The following DNAH7 variants were observed in gnomAD, a reference collection of about 807,000 sequenced individuals.
The protein encoded by DNAH7 is dynein axonemal heavy chain 7.
A neutral mutation model predicts 444.6 loss-of-function variants in DNAH7; 397 were observed. That is an observed-to-expected ratio of 0.89 (90% CI 0.82 to 0.97). The LOEUF (loss-of-function observed/expected upper bound fraction) is 0.97, where lower values mean the gene tolerates loss of function less well. Ranked by LOEUF, DNAH7 falls within the 50% of genes least tolerant of loss-of-function variation. The pLI, the probability that DNAH7 is intolerant of heterozygous loss-of-function variation, is 0.00. For synonymous variants in DNAH7, 1,636 were observed against 1,624.4 expected, an observed-to-expected ratio of 1.01 and a Z score of -0.17; for missense variants, 4,902 against 4,800.8, an observed-to-expected ratio of 1.02 and a Z score of -0.62.
chr2:195,960,472 T>C lies in DNAH7; in HGVS notation c.2679A>G (p.Glu893=). 1 of 1,614,202 alleles carries C rather than the reference T, an allele frequency of 6.2e-7. No individual in the cohort carries two copies. The highest frequency in any genetic ancestry group is 8.5e-7 in the Non-Finnish European group (1 of 1,180,024). Residue 893 remains glutamate, a synonymous_variant, in exon 18 of 65, where the codon GAA becomes GAG. Coordinates refer to ENST00000312428, the MANE Select transcript of DNAH7 (RefSeq NM_018897.3). ...CAAGAGAATATTCTTTGCTAGCTGC[T>C]TCACTAATACCTTCAAATCGGTCTA... ...PYIDRFEGIS[E]AASKEYSLEK...
intron 58 of DNAH7, among the ~76,000 whole-genome samples, chr2:195,785,365 T>A (rs1695569481): frequency 2.0e-5 from 3 of 152,158 alleles, no homozygotes; most frequent in Admixed American, 6.5e-5. Context: ...TAATTTAATT[T>A]ATTTTTTTAA....
At chr2:195,738,490 GA>G (rs1031064197) in intron 64 of DNAH7, among the ~76,000 whole-genome samples, 1 of 151,894 alleles carries the variant, frequency 6.6e-6, no homozygotes. Flanking sequence ...TATATTAATT[GA>G]AAGCCAGTCC....
intron 22 of DNAH7, among the ~76,000 whole-genome samples, chr2:195,924,628 A>T (rs1221617569): frequency 6.6e-6 from 1 of 151,072 alleles, no homozygotes; most frequent in Non-Finnish European, 1.5e-5. Context: ...AGCAAGAGAG[A>T]GGCCACAGCA....
In DNAH7 at chr2:195,778,675, C is replaced by CATATAT. The variant is rs1373965951; in HGVS notation, c.10879-691_10879-690insATATAT. On this transcript the variant is annotated intron_variant, in intron 58 of 64. Transcript: ENST00000312428. ...ATATATATATATATATATATACACA[C>CATATAT]ACACACATATATATACACATATATA... is the stretch of plus-strand genomic sequence containing the variant. 1.5e-3 allele frequency among the ~76,000 whole-genome samples: 108 copies of CATATAT among 71,250 alleles called. 2 individuals carry two copies. The highest frequency in any genetic ancestry group is 0.013 in the East Asian group (38 of 2,894). The allele number at this position is 71,250 out of a possible 152,430, so 46.7% of individuals were successfully genotyped here.
chr2:195,879,809 G>T (rs1701274821), intron 36 of DNAH7, among the ~76,000 whole-genome samples: 1 of 152,018 alleles, frequency 6.6e-6, no homozygotes, highest in South Asian at 2.1e-4. Flanking sequence ...ATGAGAAATA[G>T]CTATAATGAA....
At chr2:196,045,881 C>T (rs949936353) in intron 5 of DNAH7, among the ~76,000 whole-genome samples, 5 of 151,902 alleles carry the variant, frequency 3.3e-5, no homozygotes, top group Non-Finnish European at 7.4e-5. Context: ...ACATAAAATA[C>T]ATTGGTAGAA....
Position 195,972,415 on chromosome 2 carries a change from A to T in DNAH7, c.1885T>A (p.Leu629Ile), listed in dbSNP as rs1426148828. ...GCGAGGCAGTTTTTGGAATCCACTA[A>T]TCTCTGTTCTAGTTCAATCATATCA... ...VTDMIELEQR[L>I]VDSKNCLAFL... The change falls in exon 16 of 65, where the codon TTA (leucine) becomes ATA (isoleucine). Residue 629 changes from leucine (L) to isoleucine (I), a missense_variant. Leu to Ile is a conservative substitution (Grantham distance 5). Coordinates refer to ENST00000312428, the MANE Select transcript of DNAH7 (RefSeq NM_018897.3). The T allele has an allele frequency of 1.9e-6, 3 of 1,613,996 alleles. No individual in the cohort carries two copies. The highest frequency in any genetic ancestry group is 2.2e-5 in the East Asian group (1 of 44,886).
chr2:196,047,518 A>T lies in DNAH7; in HGVS notation c.251-19T>A. 2.6e-6 allele frequency: 4 copies of T among 1,522,362 alleles called. No individual in the cohort carries two copies. Among genetic ancestry groups the T allele is most frequent in the Non-Finnish European group, 2.6e-6 (3 of 1,132,720 alleles). The allele number at this position is 1,522,362 out of a possible 1,614,324, so 94.3% of individuals were successfully genotyped here. ...TATTCAGCTTAAATTAAAACAAAAA[A>T]AAAAGCACAATTATTCATCTAAAAG... is the stretch of plus-strand genomic sequence containing the variant. On this transcript the variant is annotated intron_variant, in intron 4 of 64. Coordinates refer to ENST00000312428, the MANE Select transcript of DNAH7 (RefSeq NM_018897.3).
intron 19 of DNAH7, among the ~76,000 whole-genome samples, chr2:195,949,630 C>T (rs1393994090): frequency 1.3e-5 from 2 of 152,146 alleles, no homozygotes; most frequent in Non-Finnish European, 2.9e-5. Context: ...CCAGAACTTC[C>T]AATACTATGT....
chr2:195,881,627 G>A (rs1574653824), intron 36 of DNAH7, among the ~76,000 whole-genome samples, 168 bp downstream of exon 36: 1 of 147,266 alleles, frequency 6.8e-6, no homozygotes, highest in East Asian at 2.0e-4. Context: ...ATCACTTCTT[G>A]GCCTTTTGGC....
chr2:195,950,307 AT>A (rs1690132250), intron 19 of DNAH7, among the ~76,000 whole-genome samples: 1 of 152,002 alleles, frequency 6.6e-6, no homozygotes, highest in African/African-American at 2.4e-5. Flanking sequence ...CTATTCAGGG[AT>A]TCAACTTCTT....
chr2:196,068,342 C>T (rs1272674465), intron 1 of DNAH7: 3 of 343,728 alleles, frequency 8.7e-6, no homozygotes, highest in Admixed American at 4.8e-5. Flanking sequence ...GAGTTGGCTT[C>T]GATTCCCACC....
In DNAH7 at chr2:195,809,842, T is replaced by TA; in HGVS notation, c.9790dup (p.Tyr3264LeufsTer6). The TA allele has an allele frequency of 6.3e-7, 1 of 1,581,872 alleles. No individual in the cohort carries two copies. The highest frequency in any genetic ancestry group is 8.6e-7 in the Non-Finnish European group (1 of 1,163,928). ...CCGGCAGACATTAACATACAGTGAATAAGTAAAGTGATCCTTGAGAATCTG... is the reference window on the plus strand; with the variant it reads ...CCGGCAGACATTAACATACAGTGAATAAAGTAAAGTGATCCTTGAGAATCTG... On this transcript the variant is annotated frameshift_variant, in exon 52 of 65. Coordinates refer to ENST00000312428, the MANE Select transcript of DNAH7 (RefSeq NM_018897.3). LOFTEE classifies it high-confidence loss of function.
chr2:195,926,610 A>G, intron 21 of DNAH7, 44 bp from the exon 22 acceptor site: 1 of 1,519,200 alleles, frequency 6.6e-7, no homozygotes, highest in South Asian at 1.3e-5. Flanking sequence ...TTTCCTGAAC[A>G]AGTTATACAA....
At chr2:195,844,931 T>C in intron 47 of DNAH7, 71 bp downstream of exon 47, 1 of 1,409,686 alleles carries the variant, frequency 7.1e-7, no homozygotes, top group Non-Finnish European at 9.6e-7. Context: ...CTACCTAAAA[T>C]TGTTAAAGGA....
chr2:195,895,248 T>C, intron 29 of DNAH7, 24 bp from the exon 30 acceptor site: 3 of 1,510,408 alleles, frequency 2.0e-6, no homozygotes, highest in African/African-American at 1.4e-5. Context: ...ATTTGAAGGA[T>C]TTACATTTTA....
chr2:195,840,043 C>T (rs1303385292), intron 47 of DNAH7, among the ~76,000 whole-genome samples: 1 of 151,684 alleles, frequency 6.6e-6, no homozygotes. Flanking sequence ...CAAAACCATA[C>T]AGACATTACA....
At chr2:195,744,986 C>T (rs927387956) in intron 63 of DNAH7, among the ~76,000 whole-genome samples, 12 of 152,210 alleles carry the variant, frequency 7.9e-5, no homozygotes, top group Admixed American at 3.3e-4. Context: ...TCACCAGCAA[C>T]GGAACAGAGC....
chr2:195,993,725 A>C (rs1228427154), intron 12 of DNAH7, among the ~76,000 whole-genome samples: 1 of 152,234 alleles, frequency 6.6e-6, no homozygotes, highest in Non-Finnish European at 1.5e-5. Flanking sequence ...ATTTCTAAGA[A>C]GAACTGAAGT....
Sources: gnomAD v4.1 joint callset for allele counts (sites outside exome capture counted in the v4.1 genomes callset) on GRCh38, gnomAD v4.1.1 for gene constraint, MANE v1.5 for transcripts, NCBI Gene and HGNC (gene_info 2026-07-23, HGNC 2026-07-21) for gene names.